Variants in CELF1 observed in about 807,000 individuals in gnomAD.
The protein encoded by CELF1 is 50 kDa nuclear polyadenylated RNA-binding protein.
A neutral mutation model predicts 61.8 loss-of-function variants in CELF1; 10 were observed. The observed-to-expected ratio is 0.16, with a 90% CI of 0.10 to 0.27. The LOEUF is 0.27. CELF1 is among the 10% of genes least tolerant of loss of function. The pLI is 1.00. For missense variants in CELF1, 380 were observed against 639.1 expected, an observed-to-expected ratio of 0.59 and a Z score of 4.37; for synonymous variants, 236 against 225.1, an observed-to-expected ratio of 1.05 and a Z score of -0.43.
At position 47,468,423 on chromosome 11, in the gene CELF1, T is replaced by C. The variant is rs763312224; in HGVS notation, c.*3807A>G. 4.6e-5 allele frequency: 7 copies of C among 152,604 alleles called. No homozygotes were observed. Among genetic ancestry groups the C allele is most frequent in the Non-Finnish European group, 8.8e-5 (6 of 68,040 alleles). 9.5% of individuals were successfully genotyped at this position (152,604 alleles called of 1,614,324 possible). A position where few individuals can be genotyped will look rare whatever the true frequency, so the allele number is the denominator to read the frequency against. On this transcript the variant is annotated 3_prime_UTR_variant, in exon 15 of 15. Coordinates refer to ENST00000687097, the MANE Select transcript of CELF1 (RefSeq NM_001376376.1). ...GGTTTTAGTGACATCTTTTATTTCA[T>C]TGTTTACTTCAAAGTTGTCTTTAAA...
At chr11:47,529,607 C>T (rs1411640082) in intron 1 of CELF1, among the ~76,000 whole-genome samples, 2 of 151,794 alleles carry the variant, frequency 1.3e-5, no homozygotes, top group African/African-American at 2.4e-5. Flanking sequence ...TGTAGTGAGC[C>T]GAGATCCTGT....
At position 47,528,874 on chromosome 11, in the gene CELF1, C is replaced by G. The variant is rs571456841; in HGVS notation, c.-154+24118G>C. On this transcript the variant is annotated intron_variant, in intron 1 of 14. Transcript: ENST00000687097. Reference sequence around the variant, plus strand: ...CCACTGCACTCCAGCCAGGCCAACACAGTGAGACCCTGCCTCAAAAAAAAA... The same window carrying G: ...CCACTGCACTCCAGCCAGGCCAACAGAGTGAGACCCTGCCTCAAAAAAAAA... Among the ~76,000 whole-genome samples, 3 of 150,104 alleles carry G rather than the reference C, an allele frequency of 2.0e-5. No individual in the cohort carries two copies. In the South Asian group the frequency reaches 6.3e-4, roughly 32 times the overall value.
chr11:47,537,028 T>C (rs2096645949), intron 1 of CELF1, among the ~76,000 whole-genome samples: 1 of 152,096 alleles, frequency 6.6e-6, no homozygotes, highest in African/African-American at 2.4e-5. Context: ...TTTTTACTAG[T>C]GGTTTACTAT....
Position 47,475,506 on chromosome 11 carries a change from T to C in CELF1, c.1103A>G (p.Asn368Ser), listed in dbSNP as rs933939864. The C allele has an allele frequency of 6.2e-7, 1 of 1,613,844 alleles. No homozygotes were observed. Among genetic ancestry groups the C allele is most frequent in the Admixed American group, 1.7e-5 (1 of 60,000 alleles). ...AAGGCCACTGCTGCCCAGGCCACCA[T>C]TTAAAGCAGCCATTCCTTGGTTGGA... The part of the protein sequence containing the change: ...VGSLAGMAAL[N>S]GGLGSSGLSN... The change falls in exon 13 of 15, where the codon AAT (asparagine) becomes AGT (serine). Residue 368 changes from asparagine to serine, a missense_variant. Coordinates refer to ENST00000687097, the MANE Select transcript of CELF1 (RefSeq NM_001376376.1).
At chr11:47,495,054 A>G (rs2092805057) in intron 3 of CELF1, among the ~76,000 whole-genome samples, 2 of 152,206 alleles carry the variant, frequency 1.3e-5, no homozygotes, top group South Asian at 4.1e-4. Flanking sequence ...CCCAGCTGCG[A>G]TACAGAATAT....
rs555006475 is a variant in CELF1, at chr11:47,477,099, G to A, written c.974-140C>T. The A allele has an allele frequency of 2.2e-5, 19 of 871,710 alleles. No homozygotes were observed. The African/African-American group carries it at 3.2e-4, about 15-fold the overall frequency. 54.0% of individuals were successfully genotyped at this position (871,710 alleles called of 1,614,324 possible). A position where few individuals can be genotyped will look rare whatever the true frequency, so the allele number is the denominator to read the frequency against. On this transcript the variant is annotated intron_variant, in intron 11 of 14. Coordinates refer to ENST00000687097, the MANE Select transcript of CELF1 (RefSeq NM_001376376.1). ...CTAACAACTGTCCTTGCAGGACAGA[G>A]ACAAATAATGGCCACAGCACATTGA...
chr11:47,544,304 C>A (rs2096878869), intron 1 of CELF1, among the ~76,000 whole-genome samples: 1 of 152,162 alleles, frequency 6.6e-6, no homozygotes, highest in Non-Finnish European at 1.5e-5. Context: ...CCATTTTACA[C>A]ATGGAAAAAG....
chr11:47,535,530 T>C (rs2096605148), intron 1 of CELF1, among the ~76,000 whole-genome samples: 1 of 151,178 alleles, frequency 6.6e-6, no homozygotes, highest in Non-Finnish European at 1.5e-5. Flanking sequence ...AATAGAAAAT[T>C]AGCCGGGCAT....
intron 6 of CELF1, among the ~76,000 whole-genome samples, chr11:47,486,143 A>G (rs2086866943): frequency 1.4e-4 from 2 of 14,390 alleles, no homozygotes; most frequent in Non-Finnish European, 4.0e-4. Flanking sequence ...CCCAGGCAAC[A>G]GAGTGAGACT....
At chr11:47,472,998 A>T in intron 14 of CELF1, 90 bp downstream of exon 14, 12 of 1,402,466 alleles carry the variant, frequency 8.6e-6, no homozygotes, top group Non-Finnish European at 1.2e-5. Context: ...AACACCACAA[A>T]CTCATATTCA....
intron 9 of CELF1, among the ~76,000 whole-genome samples, chr11:47,481,114 T>C (rs2082979548): frequency 7.9e-6 from 1 of 126,672 alleles, no homozygotes; most frequent in Non-Finnish European, 1.7e-5. Flanking sequence ...TTTTTTTTTT[T>C]TTTTTTTTTT....
chr11:47,508,312 T>C (rs1362583441), intron 1 of CELF1, among the ~76,000 whole-genome samples: 1 of 152,062 alleles, frequency 6.6e-6, no homozygotes, highest in East Asian at 1.9e-4. Flanking sequence ...GGAACACAGT[T>C]TGAAAAACAG....
intron 1 of CELF1, among the ~76,000 whole-genome samples, chr11:47,521,577 AC>A (rs1346837618): frequency 6.6e-6 from 1 of 152,242 alleles, no homozygotes; most frequent in African/African-American, 2.4e-5. Flanking sequence ...AAATGGTTAC[AC>A]AAACAGTATC....
chr11:47,510,544 C>T (rs866700600), intron 1 of CELF1, among the ~76,000 whole-genome samples: 10 of 152,138 alleles, frequency 6.6e-5, no homozygotes, highest in African/African-American at 1.9e-4. Flanking sequence ...TGGAATGCAG[C>T]GGTGTCATCT....
At chr11:47,498,961 T>G (rs2093557781) in intron 3 of CELF1, among the ~76,000 whole-genome samples, 1 of 152,112 alleles carries the variant, frequency 6.6e-6, no homozygotes, top group Admixed American at 6.6e-5. Context: ...GGTCCAGGAT[T>G]GCACTTTGTA....
chr11:47,520,552 A>G (rs1272072433), intron 1 of CELF1, among the ~76,000 whole-genome samples: 1 of 152,214 alleles, frequency 6.6e-6, no homozygotes, highest in Non-Finnish European at 1.5e-5. Flanking sequence ...TCATGCCTGT[A>G]ATCCCAGCAC....
intron 3 of CELF1, among the ~76,000 whole-genome samples, chr11:47,498,858 C>CT (rs890521918): frequency 1.0e-4 from 15 of 148,170 alleles, no homozygotes; most frequent in Admixed American, 6.2e-4. Flanking sequence ...TCCAGTTTTG[C>CT]TTTTTTTGGA....
At chr11:47,519,547 T>G (rs894200069) in intron 1 of CELF1, among the ~76,000 whole-genome samples, 3 of 152,004 alleles carry the variant, frequency 2.0e-5, no homozygotes, top group African/African-American at 7.2e-5. Flanking sequence ...TTATCATGCT[T>G]TCATCACTCT....
At chr11:47,521,900 A>T (rs2095917398) in intron 1 of CELF1, among the ~76,000 whole-genome samples, 1 of 151,434 alleles carries the variant, frequency 6.6e-6, no homozygotes, top group Admixed American at 6.6e-5. Context: ...TTTAAAATGC[A>T]ACAGCTATGC....
Sources: gnomAD v4.1 joint callset for allele counts (sites outside exome capture counted in the v4.1 genomes callset) on GRCh38, gnomAD v4.1.1 for gene constraint, MANE v1.5 for transcripts, NCBI Gene and HGNC (gene_info 2026-07-23, HGNC 2026-07-21) for gene names.